The following DCDC2 variants were observed in gnomAD, a reference collection of about 807,000 sequenced individuals.
DCDC2 encodes the protein doublecortin domain-containing protein 2.
A neutral mutation model predicts 50.2 loss-of-function variants in DCDC2; 40 were observed. The observed-to-expected ratio is 0.80, with a 90% CI of 0.62 to 1.04. The LOEUF is 1.04. Ranked by LOEUF, DCDC2 falls within the 50% of genes least tolerant of loss-of-function variation. The pLI, the probability that DCDC2 is intolerant of heterozygous loss-of-function variation, is 0.00. For missense variants in DCDC2, 570 were observed against 581.9 expected, an observed-to-expected ratio of 0.98 and a Z score of 0.21; for synonymous variants, 234 against 210.6, an observed-to-expected ratio of 1.11 and a Z score of -0.96.
At chr6:24,323,192 A>G (rs1378729470) in intron 2 of DCDC2, among the ~76,000 whole-genome samples, 2 of 152,210 alleles carry the variant, frequency 1.3e-5, no homozygotes, top group African/African-American at 4.8e-5. Flanking sequence ...CCTCCAGAGC[A>G]AGACTCCACC....
rs149425020 is a variant in DCDC2 at position 24,326,190 on chromosome 6, G to A, written c.349-24146C>T. Among the ~76,000 whole-genome samples, 1,108 of 143,678 alleles carry A rather than the reference G, an allele frequency of 7.7e-3. 22 individuals are homozygous for A. The highest frequency in any genetic ancestry group is 0.025 in the African/African-American group (998 of 40,034). 94.3% of individuals were successfully genotyped at this position (143,678 alleles called of 152,430 possible). On this transcript the variant is annotated intron_variant, in intron 2 of 9. Transcript: ENST00000378454. ...GAAAGGAAGGAAGGAAGGAAGGAAG[G>A]AAGAAAGGAAGGAAGGAAAGAATGA...
chr6:24,313,296 G>GC (rs1169217782), intron 2 of DCDC2, among the ~76,000 whole-genome samples: 2 of 151,970 alleles, frequency 1.3e-5, no homozygotes, highest in African/African-American at 4.8e-5. Context: ...GAATAATATG[G>GC]CCCCCATAAA....
chr6:24,183,935 T>C (rs1581572733), intron 8 of DCDC2, among the ~76,000 whole-genome samples: 1 of 152,124 alleles, frequency 6.6e-6, no homozygotes, highest in South Asian at 2.1e-4. Flanking sequence ...TAGTGACAGG[T>C]GAGAAAGGCG....
chr6:24,371,832 C>A, the DCDC2 span, among the ~76,000 whole-genome samples: 1 of 152,138 alleles, frequency 6.6e-6, no homozygotes, highest in African/African-American at 2.4e-5. Flanking sequence ...AGACACTTCT[C>A]AAAAGAAGAC....
At chr6:24,284,611 A>C (rs1011628076) in intron 6 of DCDC2, among the ~76,000 whole-genome samples, 2 of 95,642 alleles carry the variant, frequency 2.1e-5, no homozygotes, top group East Asian at 3.1e-4. Context: ...ACTCTGTCTC[A>C]AAAAAAAAAA....
At chr6:24,249,053 G>C (rs1003548366) in intron 7 of DCDC2, among the ~76,000 whole-genome samples, 1 of 151,912 alleles carries the variant, frequency 6.6e-6, no homozygotes, top group Non-Finnish European at 1.5e-5. Context: ...AATTTCCAAG[G>C]TTCCTTCTAC....
intron 7 of DCDC2, among the ~76,000 whole-genome samples, chr6:24,274,605 C>CAAAAAAA (rs61569208): frequency 9.7e-5 from 8 of 82,404 alleles, no homozygotes; most frequent in Non-Finnish European, 1.2e-4. Flanking sequence ...GAAACAGAGT[C>CAAAAAAA]AAAAAAAAAA....
chr6:24,317,935 G>C (rs980838149), intron 2 of DCDC2, among the ~76,000 whole-genome samples: 5 of 151,484 alleles, frequency 3.3e-5, no homozygotes, highest in African/African-American at 1.2e-4. Context: ...ATGCAAATTA[G>C]AACAACACCA....
upstream of DCDC2, among the ~76,000 whole-genome samples, chr6:24,361,493 T>C (rs963110972): frequency 6.7e-6 from 1 of 150,084 alleles, no homozygotes; most frequent in African/African-American, 2.5e-5. Flanking sequence ...AGGGAGGAAA[T>C]AGACAAGGGA....
At chr6:24,377,317 G>A in the DCDC2 span, among the ~76,000 whole-genome samples, 1 of 152,054 alleles carries the variant, frequency 6.6e-6, no homozygotes, top group Non-Finnish European at 1.5e-5. Flanking sequence ...AAACTGACTT[G>A]CTCAATATTT....
At chr6:24,343,188 C>T (rs1204282793) in intron 2 of DCDC2, among the ~76,000 whole-genome samples, 11 of 151,876 alleles carry the variant, frequency 7.2e-5, no homozygotes, top group African/African-American at 2.7e-4. Flanking sequence ...GCAGAGATTA[C>T]AGGCGTCTGC....
At chr6:24,314,333 T>A (rs1021202163) in intron 2 of DCDC2, among the ~76,000 whole-genome samples, 4 of 151,912 alleles carry the variant, frequency 2.6e-5, no homozygotes, top group African/African-American at 4.8e-5. Flanking sequence ...ATTAGCTAGG[T>A]GCAGTGGCTC....
intron 8 of DCDC2, among the ~76,000 whole-genome samples, chr6:24,187,848 T>C (rs532845094): frequency 6.6e-6 from 1 of 152,296 alleles, no homozygotes; most frequent in Non-Finnish European, 1.5e-5. Context: ...TGCATAATCA[T>C]ATTTACACTA....
intron 7 of DCDC2, among the ~76,000 whole-genome samples, chr6:24,275,474 T>C (rs569875601): frequency 5.3e-5 from 8 of 152,342 alleles, no homozygotes; most frequent in Non-Finnish European, 1.2e-4. Flanking sequence ...CCAGGTTATA[T>C]GTTCTTTCTA....
intron 7 of DCDC2, among the ~76,000 whole-genome samples, chr6:24,220,887 AGAGTGAGC>A (rs1466333741): frequency 8.7e-6 from 1 of 114,842 alleles, no homozygotes; most frequent in Admixed American, 8.3e-5. Context: ...CGAGAGCGAG[AGAGTGAGC>A]GAGCGAGCGA....
At chr6:24,247,464 G>A (rs982127693) in intron 7 of DCDC2, among the ~76,000 whole-genome samples, 3 of 152,102 alleles carry the variant, frequency 2.0e-5, no homozygotes, top group Non-Finnish European at 2.9e-5. Context: ...TGTATTGGGA[G>A]GGTAAGGAAC....
At chr6:24,265,757 G>C (rs1430279370) in intron 7 of DCDC2, among the ~76,000 whole-genome samples, 1 of 151,582 alleles carries the variant, frequency 6.6e-6, no homozygotes, top group African/African-American at 2.4e-5. Context: ...TATAGCGAAG[G>C]CAGTACTAAG....
chr6:24,245,667 T>G (rs187118662), intron 7 of DCDC2, among the ~76,000 whole-genome samples: 1 of 152,288 alleles, frequency 6.6e-6, no homozygotes, highest in Admixed American at 6.5e-5. Context: ...AGTTGAAGAT[T>G]AGATTTACAT....
At chr6:24,274,432 C>A (rs1763304921) in intron 7 of DCDC2, among the ~76,000 whole-genome samples, 1 of 152,024 alleles carries the variant, frequency 6.6e-6, no homozygotes, top group Non-Finnish European at 1.5e-5. Flanking sequence ...GCCAGTTAAG[C>A]TGGTATTTAA....
Sources: gnomAD v4.1 joint callset for allele counts (sites outside exome capture counted in the v4.1 genomes callset) on GRCh38, gnomAD v4.1.1 for gene constraint, MANE v1.5 for transcripts, NCBI Gene and HGNC (gene_info 2026-07-23, HGNC 2026-07-21) for gene names.